SGCZ: variants seen among roughly 807,000 people sequenced by gnomAD.
SGCZ encodes sarcoglycan zeta.
In SGCZ, 40 loss-of-function variants were observed where a neutral mutation model predicts 41.3. That is an observed-to-expected ratio of 0.97 (90% CI 0.75 to 1.26). SGCZ has a LOEUF of 1.26. Among genes scored for constraint, SGCZ ranks in the 50% most tolerant of loss-of-function variants. SGCZ has a pLI of 0.00. For missense variants in SGCZ, 552 were observed against 369.8 expected, an observed-to-expected ratio of 1.49 and a Z score of -4.04; for synonymous variants, 206 against 137.5, an observed-to-expected ratio of 1.50 and a Z score of -3.49.
At chr8:14,793,752 C>T (rs1262143447) in intron 1 of SGCZ, among the ~76,000 whole-genome samples, 1 of 152,128 alleles carries the variant, frequency 6.6e-6, no homozygotes, top group Admixed American at 6.5e-5. Context: ...CACCATCCCC[C>T]ACCTACCCTG....
At chr8:14,742,565 T>C (rs1161022714) in intron 1 of SGCZ, among the ~76,000 whole-genome samples, 1 of 152,062 alleles carries the variant, frequency 6.6e-6, no homozygotes, top group Non-Finnish European at 1.5e-5. Flanking sequence ...CTGAATTATC[T>C]ATTCAGTTTA....
chr8:14,782,937 G>A (rs2253251), intron 1 of SGCZ, among the ~76,000 whole-genome samples: 70,155 of 151,932 alleles, frequency 0.46, 18,091 homozygotes, highest in East Asian at 0.57. Context: ...ATTACATGCT[G>A]TTTGGATACA....
At chr8:14,282,991 A>C (rs1800500397) in intron 3 of SGCZ, among the ~76,000 whole-genome samples, 2 of 149,636 alleles carry the variant, frequency 1.3e-5, no homozygotes, top group South Asian at 4.2e-4. Flanking sequence ...CTGGGACTAC[A>C]GGTGCCCGCC....
chr8:14,119,124 T>C (rs546700843), intron 5 of SGCZ, among the ~76,000 whole-genome samples: 1 of 152,302 alleles, frequency 6.6e-6, no homozygotes, highest in African/African-American at 2.4e-5. Flanking sequence ...TTGATGGGGA[T>C]AGCATTGAAT....
At chr8:14,942,902 C>G (rs1800323536) in intron 1 of SGCZ, among the ~76,000 whole-genome samples, 1 of 152,106 alleles carries the variant, frequency 6.6e-6, no homozygotes, top group Non-Finnish European at 1.5e-5. Context: ...TCCCCAAATA[C>G]TGACAGTAGG....
intron 1 of SGCZ, among the ~76,000 whole-genome samples, chr8:15,196,956 A>T (rs1800751703): frequency 6.6e-6 from 1 of 152,214 alleles, no homozygotes; most frequent in Admixed American, 6.5e-5. Flanking sequence ...CTAGCAGGAC[A>T]GACTGTATTA....
Position 14,704,928 on chromosome 8 carries a change from GT to G in SGCZ, c.40-150003del, listed in dbSNP as rs1809286843. On this transcript the variant is annotated intron_variant, in intron 1 of 7. Transcript: ENST00000382080. ...AGAATCGATGCAACTATCAGTCAAT[GT>G]TTTGTTCACTGGTAATAGCTAAAAC... is the stretch of plus-strand genomic sequence containing the variant. Among the ~76,000 whole-genome samples the G allele has an allele frequency of 2.6e-5, 4 of 152,050 alleles. No individual in the cohort carries two copies. In the South Asian group the frequency reaches 8.3e-4, roughly 32 times the overall value.
intron 1 of SGCZ, among the ~76,000 whole-genome samples, chr8:15,131,683 T>G (rs1389069827): frequency 6.6e-6 from 1 of 152,200 alleles, no homozygotes. Flanking sequence ...AAAAGTTTTT[T>G]CCTGCAGAAC....
intron 3 of SGCZ, among the ~76,000 whole-genome samples, chr8:14,282,137 A>AT (rs937809041): frequency 8.6e-5 from 13 of 152,010 alleles, no homozygotes; most frequent in Admixed American, 7.9e-4. Context: ...TATGTAAAAA[A>AT]AAATCAAAGA....
chr8:15,024,410 G>C (rs950131486), intron 1 of SGCZ, among the ~76,000 whole-genome samples: 5 of 152,086 alleles, frequency 3.3e-5, no homozygotes, highest in African/African-American at 9.7e-5. Context: ...AGTTGTGCCT[G>C]GCATTTACTT....
chr8:14,494,800 CA>C (rs1801943963), intron 2 of SGCZ, among the ~76,000 whole-genome samples: 1 of 152,138 alleles, frequency 6.6e-6, no homozygotes, highest in African/African-American at 2.4e-5. Context: ...CTGGTTTTTG[CA>C]GTAGCCTGCA....
At chr8:14,309,655 A>G in intron 3 of SGCZ, 1 of 1,610,656 alleles carries the variant, frequency 6.2e-7, no homozygotes, top group South Asian at 1.1e-5. Context: ...TCCACCACTA[A>G]AAATAGGTTT....
chr8:14,234,127 T>A, intron 4 of SGCZ, among the ~76,000 whole-genome samples: 1 of 152,224 alleles, frequency 6.6e-6, no homozygotes, highest in Non-Finnish European at 1.5e-5. Context: ...AGAAAATATC[T>A]GTCAAATTGA....
chr8:14,992,192 T>C (rs566561681), intron 1 of SGCZ, among the ~76,000 whole-genome samples: 21 of 151,400 alleles, frequency 1.4e-4, no homozygotes, highest in African/African-American at 4.8e-4. Context: ...ACTAGTGTTA[T>C]CCTTGATATT....
At chr8:15,096,333 C>G (rs1806345352) in intron 1 of SGCZ, among the ~76,000 whole-genome samples, 1 of 152,008 alleles carries the variant, frequency 6.6e-6, no homozygotes, top group African/African-American at 2.4e-5. Context: ...AGTGATCCAC[C>G]TGCCTCCATC....
intron 1 of SGCZ, among the ~76,000 whole-genome samples, chr8:14,920,453 T>A (rs1799557151): frequency 6.6e-6 from 1 of 152,180 alleles, no homozygotes; most frequent in South Asian, 2.1e-4. Flanking sequence ...ACGAAATGTT[T>A]AATGGAGTTG....
intron 1 of SGCZ, among the ~76,000 whole-genome samples, chr8:14,699,956 A>C (rs1563210665): frequency 1.3e-5 from 2 of 152,024 alleles, no homozygotes; most frequent in East Asian, 3.9e-4. Context: ...AAAACATAGC[A>C]GATGTTGGCG....
In SGCZ at chr8:14,574,519, G is replaced by A. The variant is rs146867577; in HGVS notation, c.40-19593C>T. 3.3e-4 allele frequency among the ~76,000 whole-genome samples: 51 copies of A among 152,316 alleles called. 1 individual carries two copies. In the East Asian group the frequency reaches 6.6e-3, roughly 20 times the overall value. ...AAGAAATGCTCTAACAAGAGGCAAA[G>A]AAGAATCTGAGCAGACAGGACTTGC... is the stretch of plus-strand genomic sequence containing the variant. On this transcript the variant is annotated intron_variant, in intron 1 of 7. Transcript: ENST00000382080.
At chr8:14,821,128 G>C (rs562205805) in intron 1 of SGCZ, among the ~76,000 whole-genome samples, 3 of 151,950 alleles carry the variant, frequency 2.0e-5, no homozygotes, top group East Asian at 3.9e-4. Flanking sequence ...GATGAAAAAA[G>C]AAATGTTAAA....
Sources: allele counts gnomAD v4.1 joint callset (sites outside exome capture counted in the v4.1 genomes callset), GRCh38; gene constraint gnomAD v4.1.1; transcripts MANE v1.5; gene names NCBI Gene and HGNC (gene_info 2026-07-23, HGNC 2026-07-21).